DNMT3A: variants seen among roughly 807,000 people sequenced by gnomAD.
DNMT3A encodes the protein DNA (cytosine-5)-methyltransferase 3A.
Under a neutral mutation model 117.6 loss-of-function variants are expected in DNMT3A, and 267 were observed. The observed-to-expected ratio is 2.27, with a 90% CI of 2.05 to 2.51. DNMT3A has a LOEUF of 2.51. Ranked by LOEUF, DNMT3A falls within the 30% of genes most tolerant of loss-of-function variation. DNMT3A has a pLI of 0.00. For synonymous variants in DNMT3A, 432 were observed against 474.8 expected, an observed-to-expected ratio of 0.91 and a Z score of 1.17; for missense variants, 1,029 against 1,260.2, an observed-to-expected ratio of 0.82 and a Z score of 2.78.
chr2:25,319,987 C>T (rs2034533032), intron 1 of DNMT3A, among the ~76,000 whole-genome samples: 1 of 152,166 alleles, frequency 6.6e-6, no homozygotes, highest in African/African-American at 2.4e-5. Flanking sequence ...CCAGGCTGGT[C>T]TCAAACTCCT....
At position 25,247,359 on chromosome 2, in the gene DNMT3A, A is replaced by C; in HGVS notation, c.1015-201T>G. ...AGTACCTGAGTGCAGGTGGAAAGGA[A>C]TTCTAGTGAATAGGTTCCTGGAAGG... is the stretch of plus-strand genomic sequence containing the variant. On this transcript the variant is annotated intron_variant, in intron 8 of 22. Coordinates refer to ENST00000321117, the MANE Select transcript of DNMT3A (RefSeq NM_022552.5). This position sits in a 1 kb window ranked among gnomAD's most constrained non-coding sequence, Gnocchi z 5.6. 1.3e-6 allele frequency: 1 copy of C among 789,948 alleles called. No individual in the cohort carries two copies. The highest frequency in any genetic ancestry group is 2.0e-6 in the Non-Finnish European group (1 of 504,156). The allele number at this position is 789,948 out of a possible 1,614,324, so 48.9% of individuals were successfully genotyped here.
chr2:25,244,766 G>A (rs1411961973), intron 13 of DNMT3A, 114 bp from the exon 14 acceptor site: 7 of 839,142 alleles, frequency 8.3e-6, no homozygotes, highest in Non-Finnish European at 1.2e-5. Flanking sequence ...ACATGACCCC[G>A]CCACCACCTT....
chr2:25,312,296 G>T (rs2034165144), intron 2 of DNMT3A, among the ~76,000 whole-genome samples: 1 of 152,228 alleles, frequency 6.6e-6, no homozygotes, highest in Non-Finnish European at 1.5e-5. Flanking sequence ...AGCGGGGGCA[G>T]CCTAGGGGCC....
intron 1 of DNMT3A, among the ~76,000 whole-genome samples, chr2:25,321,355 A>C (rs1265640472): frequency 6.6e-6 from 1 of 152,084 alleles, no homozygotes; most frequent in South Asian, 2.1e-4. Flanking sequence ...TCTTTTTCCC[A>C]TCACAGTACT....
intron 2 of DNMT3A, among the ~76,000 whole-genome samples, chr2:25,302,630 C>T (rs369867978): frequency 2.6e-5 from 4 of 152,152 alleles, no homozygotes; most frequent in South Asian, 2.1e-4. Flanking sequence ...CAAGGGCACA[C>T]GCCCCATGGG....
chr2:25,302,998 T>C (rs563853883), intron 2 of DNMT3A, among the ~76,000 whole-genome samples: 94 of 152,324 alleles, frequency 6.2e-4, no homozygotes, highest in African/African-American at 2.0e-3. Context: ...CCATCCTGTC[T>C]GCTTCTCAGG....
In DNMT3A at chr2:25,252,074, T is replaced by G. The variant is rs1445669416; in HGVS notation, c.640-3822A>C. On this transcript the variant is annotated intron_variant, in intron 6 of 22. Transcript: ENST00000321117. This position sits in a 1 kb window ranked among gnomAD's most constrained non-coding sequence, Gnocchi z 5.5. Reference sequence around the variant, plus strand: ...TCGGGCCAGGCCGGGACGCCGCGGCTGCTGCGGGCCGGGGAGGCATACTTC... The same window carrying G: ...TCGGGCCAGGCCGGGACGCCGCGGCGGCTGCGGGCCGGGGAGGCATACTTC... 8.3e-6 allele frequency: 11 copies of G among 1,318,252 alleles called. No homozygotes were observed. The highest frequency in any genetic ancestry group is 1.0e-5 in the Non-Finnish European group (10 of 971,326). The allele number at this position is 1,318,252 out of a possible 1,614,324, so 81.7% of individuals were successfully genotyped here. A position where few individuals can be genotyped will look rare whatever the true frequency, so the allele number is the denominator to read the frequency against.
chr2:25,256,249 C>T lies in DNMT3A; in HGVS notation c.640-7997G>A, dbSNP rs1181197797. Among the ~76,000 whole-genome samples the T allele has an allele frequency of 2.6e-5, 4 of 152,300 alleles. No individual in the cohort carries two copies. The East Asian group carries it at 7.7e-4, about 29-fold the overall frequency. On this transcript the variant is annotated intron_variant, in intron 6 of 22. Transcript: ENST00000321117. ...CTCAAAAGCCTCAATGCCAATCAGT[C>T]AACACTCTGCGTGACATTCTAGGCC...
Position 25,235,705 on chromosome 2 carries a change from A to C in DNMT3A, c.2597+2T>G. 1 of 1,610,850 alleles carries C rather than the reference A, an allele frequency of 6.2e-7. No individual in the cohort carries two copies. The highest frequency in any genetic ancestry group is 8.5e-7 in the Non-Finnish European group (1 of 1,177,220). ...AGCCAGATGCCAGCACAACCCGGGT[A>C]CCTTTCCATTTCAGTGCACCATAAG... On this transcript the variant is annotated splice_donor_variant, in intron 22 of 22. Coordinates refer to ENST00000321117, the MANE Select transcript of DNMT3A (RefSeq NM_022552.5). LOFTEE classifies it high-confidence loss of function.
chr2:25,243,998 A>G lies in DNMT3A; in HGVS notation c.1852-16T>C. Reference sequence around the variant, plus strand: ...TTGGAGGGTCCTAAGCAGTGAGCACAACAGGTCAGATGCAGGCCCAGCGGT... The same window carrying G: ...TTGGAGGGTCCTAAGCAGTGAGCACGACAGGTCAGATGCAGGCCCAGCGGT... On this transcript the variant is annotated splice_polypyrimidine_tract_variant and intron_variant, in intron 15 of 22. Coordinates refer to ENST00000321117, the MANE Select transcript of DNMT3A (RefSeq NM_022552.5). The G allele has an allele frequency of 6.4e-7, 1 of 1,552,850 alleles. No homozygotes were observed. The highest frequency in any genetic ancestry group is 8.7e-7 in the Non-Finnish European group (1 of 1,147,916).
intron 4 of DNMT3A, among the ~76,000 whole-genome samples, chr2:25,276,013 T>A (rs1450685803): frequency 6.6e-6 from 1 of 152,042 alleles, no homozygotes; most frequent in Non-Finnish European, 1.5e-5. Flanking sequence ...CAAGGGAGTG[T>A]TTGCAGAGGC....
At chr2:25,276,462 G>A (rs2031418773) in intron 4 of DNMT3A, among the ~76,000 whole-genome samples, 1 of 152,158 alleles carries the variant, frequency 6.6e-6, no homozygotes, top group South Asian at 2.1e-4. Flanking sequence ...TCCTCTACTG[G>A]GCCCTGATTC....
intron 3 of DNMT3A, 86 bp downstream of exon 3, chr2:25,300,053 G>C: frequency 3.5e-6 from 5 of 1,424,060 alleles, no homozygotes; most frequent in Non-Finnish European, 4.8e-6. Context: ...CCAGGTCCCT[G>C]CAGGACATAC....
rs756942923 is a variant in DNMT3A at position 25,235,701 on chromosome 2, G to A, written c.2597+6C>T. On this transcript the variant is annotated splice_donor_region_variant and intron_variant, in intron 22 of 22. Coordinates refer to ENST00000321117, the MANE Select transcript of DNMT3A (RefSeq NM_022552.5). ...CCGCAGCCAGATGCCAGCACAACCC[G>A]GGTACCTTTCCATTTCAGTGCACCA... 3.3e-5 allele frequency: 53 copies of A among 1,610,634 alleles called. No homozygotes were observed. Among genetic ancestry groups the A allele is most frequent in the South Asian group, 7.7e-5 (7 of 90,960 alleles).
At chr2:25,309,672 G>T (rs544189926) in intron 2 of DNMT3A, among the ~76,000 whole-genome samples, 121 of 152,342 alleles carry the variant, frequency 7.9e-4, no homozygotes, top group Non-Finnish European at 1.4e-3. Context: ...CTAGGCAAGT[G>T]ACTTAACCTC....
At position 25,314,166 on chromosome 2, in the gene DNMT3A, G is replaced by T. The variant is rs531767636; in HGVS notation, c.-177-5C>A. ...TGGGGGCTTCGATGGCTCCACCTGT[G>T]GGGGAGAGAAGAGGATCAGTGGGGC... is the stretch of plus-strand genomic sequence containing the variant. On this transcript the variant is annotated splice_polypyrimidine_tract_variant and splice_region_variant and intron_variant, in intron 1 of 22. Coordinates refer to ENST00000321117, the MANE Select transcript of DNMT3A (RefSeq NM_022552.5). 17 of 1,423,338 alleles carry T rather than the reference G, an allele frequency of 1.2e-5. No individual in the cohort carries two copies. Among genetic ancestry groups the T allele is most frequent in the Admixed American group, 3.0e-5 (1 of 33,568 alleles). The allele number at this position is 1,423,338 out of a possible 1,614,324, so 88.2% of individuals were successfully genotyped here.
intron 1 of DNMT3A, among the ~76,000 whole-genome samples, chr2:25,320,907 G>A (rs998703079): frequency 5.9e-5 from 9 of 152,128 alleles, no homozygotes; most frequent in Middle Eastern, 3.2e-3. Flanking sequence ...CGAGGAGGGT[G>A]GATCACCTGA....
chr2:25,236,678 C>A lies in DNMT3A; in HGVS notation c.2478+258G>T, dbSNP rs1049293096. ...TTTAAAAATGAAAAAAAAGCCACAG[C>A]ACAACCAGGTCTTGGTAAAGACTCC... On this transcript the variant is annotated intron_variant, in intron 21 of 22. Coordinates refer to ENST00000321117, the MANE Select transcript of DNMT3A (RefSeq NM_022552.5). The surrounding 1 kb of genome is among the most constrained non-coding windows in gnomAD (Gnocchi z 4.5). 6.6e-6 allele frequency among the ~76,000 whole-genome samples: 1 copy of A among 152,186 alleles called. No individual in the cohort carries two copies. Among genetic ancestry groups the A allele is most frequent in the Non-Finnish European group, 1.5e-5 (1 of 68,036 alleles).
At position 25,235,941 on chromosome 2, in the gene DNMT3A, C is replaced by T. The variant is rs577822156; in HGVS notation, c.2479-116G>A. 2.2e-3 allele frequency: 2,104 copies of T among 956,294 alleles called. 3 individuals carry two copies. Among genetic ancestry groups the T allele is most frequent in the Non-Finnish European group, 3.0e-3 (1,763 of 597,496 alleles). The allele number at this position is 956,294 out of a possible 1,614,324, so 59.2% of individuals were successfully genotyped here. On this transcript the variant is annotated intron_variant, in intron 21 of 22. Transcript: ENST00000321117. Reference sequence around the variant, plus strand: ...AAACCCTGACAGGGCCTGGTCCACCCAGGGGGCTGGGTATGGCTCTGAGTG... The same window carrying T: ...AAACCCTGACAGGGCCTGGTCCACCTAGGGGGCTGGGTATGGCTCTGAGTG...
Sources: gnomAD v4.1 joint callset for allele counts (sites outside exome capture counted in the v4.1 genomes callset) on GRCh38, gnomAD v4.1.1 for gene constraint, Gnocchi (gnomAD v3.1) non-coding constraint, MANE v1.5 for transcripts, NCBI Gene and HGNC (gene_info 2026-07-23, HGNC 2026-07-21) for gene names.